TNIK: variants seen among roughly 807,000 people sequenced by gnomAD.
The protein encoded by TNIK is TRAF2 and NCK interacting kinase.
Under a neutral mutation model 191.3 loss-of-function variants are expected in TNIK, and 49 were observed. The ratio of observed to expected loss-of-function variants is 0.26; its 90% CI spans 0.20 to 0.32. The LOEUF (loss-of-function observed/expected upper bound fraction) is 0.32. Among genes scored for constraint, TNIK ranks in the 10% least tolerant of loss-of-function variants. The probability of loss-of-function intolerance (pLI) is 1.00; values close to 1 mark genes in which losing one functional copy is unlikely to be tolerated. For synonymous variants in TNIK, 594 were observed against 600.9 expected (o/e 0.99, Z 0.17); for missense variants, 1,155 against 1,702.3 (o/e 0.68, Z 5.66).
At chr3:171,264,070 A>T (rs1354102944) in intron 2 of TNIK, among the ~76,000 whole-genome samples, 2 of 49,346 alleles carry the variant, frequency 4.1e-5, no homozygotes, top group African/African-American at 1.5e-4. Flanking sequence ...ATATACATAC[A>T]CACACACACA....
intron 26 of TNIK, 132 bp downstream of exon 26, chr3:171,084,023 A>T: frequency 8.2e-7 from 1 of 1,220,318 alleles, no homozygotes; most frequent in South Asian, 2.1e-5. Context: ...GATAGTCCCA[A>T]GTTAGGTCTC....
chr3:171,359,295 T>A (rs1714631040), intron 2 of TNIK, among the ~76,000 whole-genome samples: 1 of 152,192 alleles, frequency 6.6e-6, no homozygotes, highest in Non-Finnish European at 1.5e-5. Flanking sequence ...CGGGCAAGTT[T>A]TCTAAAACAA....
chr3:171,139,350 G>A, intron 14 of TNIK, 120 bp downstream of exon 14: 1 of 858,440 alleles, frequency 1.2e-6, no homozygotes, highest in Non-Finnish European at 1.9e-6. Flanking sequence ...CTTCTGGACT[G>A]GTATGTTAGA....
intron 2 of TNIK, among the ~76,000 whole-genome samples, chr3:171,281,575 C>T (rs750347283): frequency 6.6e-5 from 10 of 151,680 alleles, no homozygotes; most frequent in Non-Finnish European, 1.2e-4. Flanking sequence ...ACATACAGTG[C>T]TTACAGGTGC....
At chr3:171,085,882 T>C (rs889719409) in intron 24 of TNIK, among the ~76,000 whole-genome samples, 1 of 152,242 alleles carries the variant, frequency 6.6e-6, no homozygotes, top group African/African-American at 2.4e-5. Flanking sequence ...TTGTGAGCAA[T>C]GTACCTTGAA....
At chr3:171,181,834 G>GTT (rs1304234511) in intron 7 of TNIK, among the ~76,000 whole-genome samples, 1 of 152,116 alleles carries the variant, frequency 6.6e-6, no homozygotes, top group African/African-American at 2.4e-5. Flanking sequence ...CATAAGAAAC[G>GTT]TAAGTACAGA....
chr3:171,209,467 G>T (rs1190563234), intron 4 of TNIK, among the ~76,000 whole-genome samples: 1 of 151,666 alleles, frequency 6.6e-6, no homozygotes, highest in Non-Finnish European at 1.5e-5. Flanking sequence ...TATGTTTTTT[G>T]TTAAGAAGAC....
intron 2 of TNIK, among the ~76,000 whole-genome samples, chr3:171,342,946 C>T (rs1711528538): frequency 6.6e-6 from 1 of 152,196 alleles, no homozygotes; most frequent in Non-Finnish European, 1.5e-5. Flanking sequence ...AGTTCCCCTG[C>T]ACCTGCTCTC....
At chr3:171,431,651 G>A (rs568211000) in intron 1 of TNIK, among the ~76,000 whole-genome samples, 15 of 152,086 alleles carry the variant, frequency 9.9e-5, no homozygotes, top group African/African-American at 1.4e-4. Flanking sequence ...CTGCTTTTGC[G>A]TCTTTTTTTT....
intron 1 of TNIK, among the ~76,000 whole-genome samples, chr3:171,453,945 A>G (rs2108737225): frequency 6.6e-6 from 1 of 152,348 alleles, no homozygotes; most frequent in East Asian, 1.9e-4. Flanking sequence ...AATTCATCCA[A>G]CATTTTCTAC....
At chr3:171,249,605 A>G (rs1041375261) in intron 2 of TNIK, among the ~76,000 whole-genome samples, 4 of 152,246 alleles carry the variant, frequency 2.6e-5, no homozygotes, top group Non-Finnish European at 5.9e-5. Flanking sequence ...GGTGGTACAC[A>G]TCAGCATAAT....
intron 21 of TNIK, chr3:171,101,892 C>T: frequency 2.6e-6 from 1 of 384,736 alleles, no homozygotes; most frequent in African/African-American, 2.1e-5. Flanking sequence ...TATATGTGTA[C>T]ATATGTGTAT....
intron 1 of TNIK, among the ~76,000 whole-genome samples, chr3:171,438,790 G>A (rs1202830319): frequency 6.6e-6 from 1 of 152,138 alleles, no homozygotes; most frequent in Non-Finnish European, 1.5e-5. Context: ...ACAAAAGGAA[G>A]AGTGTGTGGG....
At chr3:171,435,664 G>T (rs1725945818) in intron 1 of TNIK, among the ~76,000 whole-genome samples, 1 of 151,962 alleles carries the variant, frequency 6.6e-6, no homozygotes, top group African/African-American at 2.4e-5. Context: ...AATGTCCTTT[G>T]GTCTACTAAT....
chr3:171,153,613 G>A (rs947695786), intron 12 of TNIK, among the ~76,000 whole-genome samples: 1 of 152,116 alleles, frequency 6.6e-6, no homozygotes, highest in Non-Finnish European at 1.5e-5. Context: ...CTTCTTTCCA[G>A]CACCAACTGC....
At chr3:171,176,741 T>C (rs73171512) in intron 8 of TNIK, among the ~76,000 whole-genome samples, 15,924 of 152,154 alleles carry the variant, frequency 0.1, 1,449 homozygotes, top group African/African-American at 0.24. Context: ...GGGCTGACAA[T>C]CAGTTACACT....
At chr3:171,396,045 G>A (rs1720194717) in intron 1 of TNIK, among the ~76,000 whole-genome samples, 1 of 151,958 alleles carries the variant, frequency 6.6e-6, no homozygotes, top group Admixed American at 6.6e-5. Context: ...TAAATTTTAG[G>A]ACATTTCATC....
intron 12 of TNIK, among the ~76,000 whole-genome samples, chr3:171,156,126 G>A (rs185174039): frequency 1.3e-5 from 2 of 152,278 alleles, no homozygotes; most frequent in African/African-American, 4.8e-5. Context: ...ATCAATACAG[G>A]AAAAGAGATA....
chr3:171,179,005 G>A (rs1736311614), intron 7 of TNIK, among the ~76,000 whole-genome samples: 1 of 152,150 alleles, frequency 6.6e-6, no homozygotes. Flanking sequence ...TGTGGAGGGG[G>A]TTTTCTAGGG....
Sources: gnomAD v4.1 joint callset for allele counts (sites outside exome capture counted in the v4.1 genomes callset) on GRCh38, gnomAD v4.1.1 for gene constraint, MANE v1.5 for transcripts, NCBI Gene and HGNC (gene_info 2026-07-23, HGNC 2026-07-21) for gene names.